PPP1R2: variants seen among roughly 807,000 people sequenced by gnomAD.
The protein encoded by PPP1R2 is protein phosphatase inhibitor 2.
A neutral mutation model predicts 29.9 loss-of-function variants in PPP1R2; 16 were observed. That is an observed-to-expected ratio of 0.53 (90% CI 0.36 to 0.81). The LOEUF (loss-of-function observed/expected upper bound fraction) is 0.81, where lower values mean the gene tolerates loss of function less well. Ranked by LOEUF, PPP1R2 falls within the 30% of genes least tolerant of loss-of-function variation. The pLI is 0.00. For missense variants in PPP1R2, 197 were observed against 252.7 expected (o/e 0.78, Z 1.49); for synonymous variants, 76 against 91.5 (o/e 0.83, Z 0.96).
At chr3:195,532,215 C>CTTTTT (rs146508182) in intron 1 of PPP1R2, among the ~76,000 whole-genome samples, 2 of 120,172 alleles carry the variant, frequency 1.7e-5, no homozygotes, top group African/African-American at 3.2e-5. Context: ...TTTTCTTTTT[C>CTTTTT]TTTTTTTTTT....
chr3:195,527,895 G>T (rs2108945300), intron 2 of PPP1R2: 1 of 368,944 alleles, frequency 2.7e-6, no homozygotes, highest in Non-Finnish European at 5.2e-6. Flanking sequence ...GATTTTTAAA[G>T]TATATACCTG....
chr3:195,524,953 A>C, intron 2 of PPP1R2, 57 bp from the exon 3 acceptor site: 1 of 1,452,814 alleles, frequency 6.9e-7, no homozygotes, highest in Non-Finnish European at 9.7e-7. Context: ...CAGCCACAAA[A>C]ACAAGGGAGA....
At chr3:195,541,813 C>T (rs958726055) in intron 1 of PPP1R2, among the ~76,000 whole-genome samples, 12 of 152,096 alleles carry the variant, frequency 7.9e-5, no homozygotes, top group Middle Eastern at 3.2e-3. Context: ...CCTTTCCAGC[C>T]CCAAAAGGCC....
At chr3:195,528,700 C>CTTTTTTTTTTTTTTTTTTT (rs767313014) in intron 2 of PPP1R2, 6 of 76,652 alleles carry the variant, frequency 7.8e-5, no homozygotes, top group South Asian at 5.3e-4. Flanking sequence ...TAGGGCATAA[C>CTTTTTTTTTTTTTTTTTTT]TATTTTTTTT....
In PPP1R2 at chr3:195,543,068, T is replaced by A. The variant is rs765214859; in HGVS notation, c.-43A>T. 12 of 1,576,208 alleles carry A rather than the reference T, an allele frequency of 7.6e-6. No individual in the cohort carries two copies. The highest frequency in any genetic ancestry group is 8.6e-6 in the Non-Finnish European group (10 of 1,161,838). On this transcript the variant is annotated 5_prime_UTR_variant, in exon 1 of 6. Transcript: ENST00000618156. Reference sequence around the variant, plus strand: ...GTCGGCTCAGGGTCGCTGCTTGGCGTGGGGTCCGCGAAGAGAAGGGTCGGC... The same window carrying A: ...GTCGGCTCAGGGTCGCTGCTTGGCGAGGGGTCCGCGAAGAGAAGGGTCGGC...
chr3:195,540,790 T>C (rs1719565046), intron 1 of PPP1R2, among the ~76,000 whole-genome samples: 2 of 152,196 alleles, frequency 1.3e-5, no homozygotes, highest in Non-Finnish European at 2.9e-5. Context: ...TCTCACCAGA[T>C]GCACCCTTAA....
chr3:195,526,916 G>GGGTT (rs1410056050), intron 2 of PPP1R2, among the ~76,000 whole-genome samples: 3 of 151,990 alleles, frequency 2.0e-5, no homozygotes, highest in African/African-American at 7.3e-5. Flanking sequence ...CGAGTAGCTG[G>GGGTT]GGTTATAGGC....
chr3:195,524,087 CAAA>C (rs552931240), intron 3 of PPP1R2, among the ~76,000 whole-genome samples: 1 of 125,600 alleles, frequency 8.0e-6, no homozygotes. Flanking sequence ...GGCCCTGTCT[CAAA>C]AAAAAAAAAA....
intron 1 of PPP1R2, among the ~76,000 whole-genome samples, chr3:195,541,076 C>A (rs1719575081): frequency 6.6e-6 from 1 of 152,198 alleles, no homozygotes; most frequent in Non-Finnish European, 1.5e-5. Flanking sequence ...ACAGGTCAGT[C>A]CCTTTTAAGT....
At chr3:195,536,103 T>C (rs1304094005) in intron 1 of PPP1R2, among the ~76,000 whole-genome samples, 1 of 152,128 alleles carries the variant, frequency 6.6e-6, no homozygotes, top group Non-Finnish European at 1.5e-5. Context: ...ACAAAACATG[T>C]AGTTAATCAA....
chr3:195,532,330 T>C (rs1719216644), intron 1 of PPP1R2, among the ~76,000 whole-genome samples: 1 of 150,218 alleles, frequency 6.7e-6, no homozygotes, highest in African/African-American at 2.5e-5. Flanking sequence ...GAATTACAGG[T>C]ATGAGCCACC....
Position 195,532,845 on chromosome 3 carries a change from CTACTT to C in PPP1R2, c.123-2949_123-2945del, listed in dbSNP as rs1436579480. On this transcript the variant is annotated intron_variant, in intron 1 of 5. Transcript: ENST00000618156. Reference sequence around the variant, plus strand: ...AAGTGCATTATACATAGAGAATAGTCTACTTTATCATTTACTACCATAAAATATTC... The same window carrying C: ...AAGTGCATTATACATAGAGAATAGTCTATCATTTACTACCATAAAATATTC... Among the ~76,000 whole-genome samples, 11 of 152,202 alleles carry C rather than the reference CTACTT, an allele frequency of 7.2e-5. 1 individual carries two copies. Among genetic ancestry groups the C allele is most frequent in the Non-Finnish European group, 1.3e-4 (9 of 68,016 alleles).
chr3:195,540,263 C>T (rs1176445180), intron 1 of PPP1R2, among the ~76,000 whole-genome samples: 2 of 152,194 alleles, frequency 1.3e-5, no homozygotes, highest in African/African-American at 4.8e-5. Flanking sequence ...AACAAGGCGA[C>T]GCTCTGCTTT....
At chr3:195,526,103 A>ATTT (rs71180929) in intron 2 of PPP1R2, among the ~76,000 whole-genome samples, 115,348 of 145,902 alleles carry the variant, frequency 0.79, 45,736 homozygotes, top group East Asian at 0.96. Flanking sequence ...CTTAAATAAA[A>ATTT]TTTTTTTTTT....
At chr3:195,532,661 A>G (rs919273532) in intron 1 of PPP1R2, among the ~76,000 whole-genome samples, 2 of 152,268 alleles carry the variant, frequency 1.3e-5, no homozygotes, top group East Asian at 3.9e-4. Flanking sequence ...TGACCCTTGA[A>G]TATTATGAGT....
intron 1 of PPP1R2, among the ~76,000 whole-genome samples, chr3:195,531,863 T>A (rs1477674873): frequency 6.6e-6 from 1 of 152,230 alleles, no homozygotes; most frequent in South Asian, 2.1e-4. Flanking sequence ...AACTCCCCAC[T>A]CTCCCCAGCC....
At chr3:195,523,010 T>C (rs1560434209) in intron 4 of PPP1R2, 1 of 152,248 alleles carries the variant, frequency 6.6e-6, no homozygotes, top group Non-Finnish European at 1.5e-5. Flanking sequence ...CCTGAGAAGA[T>C]TATATATTCA....
In PPP1R2 at chr3:195,520,301, C is replaced by T. The variant is rs566890105; in HGVS notation, c.404-1116G>A. 7.9e-5 allele frequency among the ~76,000 whole-genome samples: 12 copies of T among 152,290 alleles called. No individual in the cohort carries two copies. In the East Asian group the frequency reaches 9.7e-4, roughly 12 times the overall value. Reference sequence around the variant, plus strand: ...CTGGGATTACAGGCATGAGCCACTGCGCCTGGCTTCACCATTGTTTTATTA... The same window carrying T: ...CTGGGATTACAGGCATGAGCCACTGTGCCTGGCTTCACCATTGTTTTATTA... On this transcript the variant is annotated intron_variant, in intron 4 of 5. Coordinates refer to ENST00000618156, the MANE Select transcript of PPP1R2 (RefSeq NM_006241.8).
In PPP1R2 at chr3:195,516,941, T is replaced by A. The variant is rs778107926; in HGVS notation, c.573A>T (p.Gly191=). 104 of 1,612,022 alleles carry A rather than the reference T, an allele frequency of 6.5e-5. No homozygotes were observed. Among genetic ancestry groups the A allele is most frequent in the Non-Finnish European group, 8.6e-5 (101 of 1,178,448 alleles). ...ESMNTEESNQ[G]STPSDQQQNK... is the part of the protein sequence containing the mutation. ...TTTGCTGTTGGTCACTTGGAGTAGA[T>A]CCTGCAAAGATAAAAGAAAAAGTCA... The change falls in exon 6 of 6, where the codon GGA becomes GGT. Residue 191 remains glycine, a splice_region_variant and synonymous_variant. Transcript: ENST00000618156.
Sources: allele counts gnomAD v4.1 joint callset (sites outside exome capture counted in the v4.1 genomes callset), GRCh38; gene constraint gnomAD v4.1.1; transcripts MANE v1.5; gene names NCBI Gene and HGNC (gene_info 2026-07-23, HGNC 2026-07-21).